Variants in TRHDE observed in about 807,000 individuals in gnomAD.
TRHDE encodes the protein thyrotropin-releasing hormone-degrading ectoenzyme.
A neutral mutation model predicts 125.7 loss-of-function variants in TRHDE; 72 were observed. That is an observed-to-expected ratio of 0.57 (90% confidence interval 0.47 to 0.70). The LOEUF (loss-of-function observed/expected upper bound fraction) is 0.70. Ranked by LOEUF, TRHDE falls within the 30% of genes least tolerant of loss-of-function variation. The pLI is 0.00. For synonymous variants in TRHDE, 509 were observed against 509.1 expected, an observed-to-expected ratio of 1.00 and a Z score of 0.00; for missense variants, 1,110 against 1,327.1, an observed-to-expected ratio of 0.84 and a Z score of 2.54.
chr12:72,375,847 G>A (rs1459136773), intron 2 of TRHDE, among the ~76,000 whole-genome samples: 1 of 152,184 alleles, frequency 6.6e-6, no homozygotes, highest in Non-Finnish European at 1.5e-5. Flanking sequence ...CAAGATGGGT[G>A]CGAATAAATA....
rs4558203 is a variant in TRHDE, at chr12:72,273,770, C to T, written c.914+213C>T. ...CCGCCAACTTCGCAAACTGACTCAC[C>T]GGTGCCAAAAGATGAATGCTGCCCC... On this transcript the variant is annotated intron_variant, in intron 1 of 18. Coordinates refer to ENST00000261180, the MANE Select transcript of TRHDE (RefSeq NM_013381.3). The surrounding 1 kb of genome is among the most constrained non-coding windows in gnomAD (Gnocchi z 5.3). The T allele has an allele frequency of 0.042, 23,186 of 549,756 alleles. 2,996 individuals carry two copies. Among genetic ancestry groups the T allele is most frequent in the African/African-American group, 0.32 (17,180 of 53,314 alleles). The allele number at this position is 549,756 out of a possible 1,614,324, so 34.1% of individuals were successfully genotyped here.
Position 72,238,325 on chromosome 12 carries a change from TA to T in TRHDE, n.279+132574del, listed in dbSNP as rs1565669984. Reference sequence around the variant, plus strand: ...ATATATATATATATATATATATACATATATATATACACATTATATATATATA... The same window carrying T: ...ATATATATATATATATATATATACATTATATATACACATTATATATATATA... On this transcript the variant is annotated intron_variant and non_coding_transcript_variant, in intron 2 of 4. Transcript: ENST00000548156. Among the ~76,000 whole-genome samples, 7 of 32,242 alleles carry T rather than the reference TA, an allele frequency of 2.2e-4. 1 individual carries two copies. The highest frequency in any genetic ancestry group is 5.1e-4 in the East Asian group (1 of 1,958). The allele number at this position is 32,242 out of a possible 152,430, so 21.2% of individuals were successfully genotyped here.
intron 5 of TRHDE, among the ~76,000 whole-genome samples, chr12:72,494,250 AC>A (rs754226055): frequency 5.9e-5 from 9 of 152,138 alleles, no homozygotes; most frequent in Non-Finnish European, 1.2e-4. Context: ...TCCTAGGAAT[AC>A]CATAAAAGCC....
chr12:72,499,554 G>T lies in TRHDE; in HGVS notation c.1641G>T (p.Leu547Phe), dbSNP rs771278253. Residue 547 changes from leucine to phenylalanine, a missense_variant, in exon 6 of 19, where the codon TTG becomes TTT. Leu to Phe is a conservative substitution (Grantham distance 22, BLOSUM62 0). Transcript: ENST00000261180. ...VLHEVMLLDG[L>F]ASSHPVSQEV... ...ATGAAGTGATGCTGCTGGACGGTTT[G>T]GCCAGTTCCCATCCAGTATCACAGG... 7 of 1,613,710 alleles carry T rather than the reference G, an allele frequency of 4.3e-6. No individual in the cohort carries two copies.
At chr12:72,622,647 C>T (rs935184941) in intron 15 of TRHDE, among the ~76,000 whole-genome samples, 1 of 152,010 alleles carries the variant, frequency 6.6e-6, no homozygotes. Flanking sequence ...CAAAGAAAGA[C>T]ACTTGTACTG....
At chr12:72,313,319 A>G (rs1192988148) in intron 2 of TRHDE, among the ~76,000 whole-genome samples, 5 of 152,062 alleles carry the variant, frequency 3.3e-5, no homozygotes, top group Non-Finnish European at 5.9e-5. Flanking sequence ...ATATTTGACC[A>G]CATATTAATA....
intron 3 of TRHDE, among the ~76,000 whole-genome samples, chr12:72,446,238 G>C (rs1217059912): frequency 4.0e-5 from 6 of 150,376 alleles, no homozygotes; most frequent in Non-Finnish European, 8.9e-5. Flanking sequence ...TGCCATGTTG[G>C]TGTGCTGCAC....
intron 15 of TRHDE, among the ~76,000 whole-genome samples, chr12:72,639,645 G>T (rs1480704952): frequency 1.3e-5 from 2 of 151,672 alleles, no homozygotes; most frequent in East Asian, 3.9e-4. Flanking sequence ...ATCTACTTTT[G>T]GTCTTTGATG....
intron 6 of TRHDE, among the ~76,000 whole-genome samples, chr12:72,522,309 T>G (rs1269485383): frequency 1.3e-5 from 2 of 152,228 alleles, no homozygotes; most frequent in African/African-American, 4.8e-5. Flanking sequence ...AGTTATTATA[T>G]TTTGTAATTA....
intron 2 of TRHDE, among the ~76,000 whole-genome samples, chr12:72,122,151 C>T (rs545642503): frequency 6.6e-6 from 1 of 152,138 alleles, no homozygotes; most frequent in African/African-American, 2.4e-5. Context: ...TGTTTTTGTT[C>T]TCCCCCATTT....
intron 2 of TRHDE, among the ~76,000 whole-genome samples, chr12:72,108,665 GGTGTT>G (rs1422711351): frequency 1.1e-4 from 16 of 152,028 alleles, no homozygotes; most frequent in African/African-American, 3.4e-4. Context: ...GCGAGAACCT[GGTGTT>G]CTGGTGCAGT....
chr12:72,122,655 T>C (rs1424603018), intron 2 of TRHDE, among the ~76,000 whole-genome samples: 4 of 152,132 alleles, frequency 2.6e-5, no homozygotes, highest in Non-Finnish European at 5.9e-5. Context: ...TAGAGTTTTA[T>C]ATGGCAGCAT....
chr12:72,521,879 GCTGT>G (rs112782486), intron 6 of TRHDE, among the ~76,000 whole-genome samples: 10,293 of 152,240 alleles, frequency 0.068, 415 homozygotes, highest in Middle Eastern at 0.11. Context: ...AGTTTTAAGT[GCTGT>G]CTAATGCCTA....
intron 2 of TRHDE, among the ~76,000 whole-genome samples, chr12:72,320,068 T>A (rs1869008469): frequency 6.6e-6 from 1 of 152,160 alleles, no homozygotes; most frequent in Non-Finnish European, 1.5e-5. Flanking sequence ...TAGGGTTATT[T>A]TATCTACCCT....
intron 2 of TRHDE, among the ~76,000 whole-genome samples, chr12:72,328,609 A>T (rs1268969061): frequency 1.3e-5 from 2 of 152,006 alleles, no homozygotes; most frequent in Non-Finnish European, 2.9e-5. Context: ...ATTTTAGTGT[A>T]TTTTTGCCAT....
intron 5 of TRHDE, among the ~76,000 whole-genome samples, chr12:72,495,604 T>C (rs1007081006): frequency 6.6e-6 from 1 of 152,138 alleles, no homozygotes; most frequent in African/African-American, 2.4e-5. Context: ...GCTGTTTATC[T>C]GTACTTTTTT....
chr12:72,357,115 C>T (rs1870859120), intron 2 of TRHDE, among the ~76,000 whole-genome samples: 1 of 151,482 alleles, frequency 6.6e-6, no homozygotes, highest in Admixed American at 6.6e-5. Context: ...GAACCCAAAG[C>T]AATTTACAGA....
At chr12:72,609,709 C>A (rs1045192264) in intron 12 of TRHDE, among the ~76,000 whole-genome samples, 12 of 152,080 alleles carry the variant, frequency 7.9e-5, no homozygotes, top group Non-Finnish European at 1.6e-4. Context: ...ATAGTCAGTT[C>A]TTTTTAAGTT....
chr12:72,441,766 T>A (rs1170093359), intron 3 of TRHDE, among the ~76,000 whole-genome samples: 2 of 151,740 alleles, frequency 1.3e-5, no homozygotes, highest in Admixed American at 6.6e-5. Flanking sequence ...GATTTCAAAA[T>A]CCAAAGATAA....
Sources: gnomAD v4.1 joint callset for allele counts (sites outside exome capture counted in the v4.1 genomes callset) on GRCh38, gnomAD v4.1.1 for gene constraint, Gnocchi (gnomAD v3.1) non-coding constraint, MANE v1.5 for transcripts, NCBI Gene and HGNC (gene_info 2026-07-23, HGNC 2026-07-21) for gene names.